Variants in GFRA3 observed in about 807,000 individuals in gnomAD.
GFRA3 encodes the protein GDNF family receptor alpha-3.
In GFRA3, 24 loss-of-function variants were observed where a neutral mutation model predicts 40.0. The observed-to-expected ratio is 0.60, with a 90% CI of 0.43 to 0.84. The LOEUF (loss-of-function observed/expected upper bound fraction) is 0.84. Ranked by LOEUF, GFRA3 falls within the 40% of genes least tolerant of loss-of-function variation. The probability of loss-of-function intolerance (pLI) is 0.00; values close to 1 mark genes in which losing one functional copy is unlikely to be tolerated. For synonymous variants in GFRA3, 203 were observed against 213.5 expected, an observed-to-expected ratio of 0.95 and a Z score of 0.43; for missense variants, 405 against 530.6, an observed-to-expected ratio of 0.76 and a Z score of 2.33.
intron 3 of GFRA3, among the ~76,000 whole-genome samples, chr5:138,258,372 G>A (rs1390425375): frequency 1.3e-5 from 2 of 151,720 alleles, no homozygotes; most frequent in Non-Finnish European, 1.5e-5. Flanking sequence ...AGTAGAAATG[G>A]GGTTTCATCA....
chr5:138,256,552 AAC>A (rs1755632698), intron 4 of GFRA3, among the ~76,000 whole-genome samples: 1 of 128,794 alleles, frequency 7.8e-6, no homozygotes, highest in Non-Finnish European at 1.8e-5. Flanking sequence ...AAAAAAAACA[AAC>A]AAAAAAAAAA....
rs1159912805 is a variant in GFRA3 at position 138,257,707 on chromosome 5, G to A, written c.717C>T (p.Cys239=). 1.2e-6 allele frequency: 2 copies of A among 1,609,714 alleles called. No homozygotes were observed. The highest frequency in any genetic ancestry group is 1.3e-5 in the African/African-American group (1 of 74,768). ...ERRRNTIAPN[C]ALPPVAPNCL... The stretch of plus-strand genomic sequence containing the variant: ...AGTTGGGGGCCACAGGCGGCAGCGC[G>A]CAGTTGGGGGCGATGGTGTTGCGCC... Residue 239 remains cysteine (C), a synonymous_variant, in exon 4 of 8, where the codon TGC becomes TGT. Transcript: ENST00000274721.
At chr5:138,267,109 G>T in intron 1 of GFRA3, 2 of 194,800 alleles carry the variant, frequency 1.0e-5, no homozygotes, top group South Asian at 2.2e-4. Context: ...GGGTACTCCT[G>T]ACGAAGGTGA....
intron 2 of GFRA3, among the ~76,000 whole-genome samples, chr5:138,263,021 G>A (rs1201280690): frequency 2.0e-5 from 3 of 152,142 alleles, no homozygotes; most frequent in African/African-American, 7.2e-5. Flanking sequence ...CTAGAGTGCA[G>A]TGGCGCAATC....
At chr5:138,261,608 C>T (rs1324913694) in intron 2 of GFRA3, among the ~76,000 whole-genome samples, 6 of 148,050 alleles carry the variant, frequency 4.1e-5, no homozygotes, top group Non-Finnish European at 5.9e-5. Flanking sequence ...GCAGGAGAAT[C>T]GCTTGAACCC....
chr5:138,258,789 T>C (rs891955579), intron 3 of GFRA3, among the ~76,000 whole-genome samples: 2 of 152,216 alleles, frequency 1.3e-5, no homozygotes, highest in Non-Finnish European at 2.9e-5. Flanking sequence ...CTTTCATTAA[T>C]TGATTCATGT....
chr5:138,271,238 C>T lies in GFRA3; in HGVS notation c.91+3096G>A, dbSNP rs964812258. On this transcript the variant is annotated intron_variant, in intron 1 of 7. Coordinates refer to ENST00000274721, the MANE Select transcript of GFRA3 (RefSeq NM_001496.4). Reference sequence around the variant, plus strand: ...AACTCCCGACCTCAGGTGATCTGCCCGCCTCGGCCTCAACAAAGTGCTGGG... The same window carrying T: ...AACTCCCGACCTCAGGTGATCTGCCTGCCTCGGCCTCAACAAAGTGCTGGG... Among the ~76,000 whole-genome samples the T allele has an allele frequency of 9.9e-5, 15 of 152,260 alleles. No homozygotes were observed. In the South Asian group the frequency reaches 2.3e-3, roughly 23 times the overall value.
chr5:138,258,633 G>A (rs186193527), intron 3 of GFRA3, among the ~76,000 whole-genome samples: 2 of 152,290 alleles, frequency 1.3e-5, no homozygotes, highest in East Asian at 1.9e-4. Flanking sequence ...TCTGATGGTA[G>A]AAATGATAAC....
chr5:138,266,045 G>A (rs1755778025), intron 1 of GFRA3, among the ~76,000 whole-genome samples: 1 of 152,120 alleles, frequency 6.6e-6, no homozygotes, highest in Non-Finnish European at 1.5e-5. Context: ...ATATCGATAT[G>A]CTACATTTTG....
rs536533397 is a variant in GFRA3 at position 138,269,428 on chromosome 5, C to T, written c.92-4880G>A. ...GCGGGCACCTGTTATCCCAGCTACT[C>T]GAGAGGCTGAGGCTGGAGAATCACT... On this transcript the variant is annotated intron_variant, in intron 1 of 7. Transcript: ENST00000274721. Among the ~76,000 whole-genome samples the T allele has an allele frequency of 7.8e-4, 119 of 151,650 alleles. 1 individual carries two copies. The highest frequency in any genetic ancestry group is 2.7e-3 in the African/African-American group (111 of 41,330).
chr5:138,264,689 G>A (rs1755757041), intron 1 of GFRA3, 141 bp from the exon 2 acceptor site: 2 of 609,552 alleles, frequency 3.3e-6, no homozygotes, highest in Admixed American at 3.0e-5. Context: ...TTAAGAATAA[G>A]TGTGGAGAGA....
chr5:138,264,541 G>C lies in GFRA3; in HGVS notation c.99C>G (p.Pro33=). The change falls in exon 2 of 8, where the codon CCC becomes CCG. Residue 33 remains proline, a synonymous_variant. Transcript: ENST00000274721. ...TCATGAGTCGGCTTTCTGTGGGAAG[G>C]GGGTCTCCTGTAAAGGGAGATACCA... The part of the protein sequence containing the change: ...PSPLPLAAGD[P]LPTESRLMNS... 6.2e-7 allele frequency: 1 copy of C among 1,601,456 alleles called. No individual in the cohort carries two copies. Among genetic ancestry groups the C allele is most frequent in the Non-Finnish European group, 8.5e-7 (1 of 1,172,632 alleles).
chr5:138,259,755 A>AAGCAC, intron 2 of GFRA3, 106 bp from the exon 3 acceptor site: 1 of 748,322 alleles, frequency 1.3e-6, no homozygotes, highest in South Asian at 1.4e-5. Flanking sequence ...AGAAAAGGAA[A>AAGCAC]AGCACAGCCT....
At chr5:138,269,895 C>T (rs1339875184) in intron 1 of GFRA3, among the ~76,000 whole-genome samples, 2 of 150,904 alleles carry the variant, frequency 1.3e-5, no homozygotes, top group African/African-American at 4.9e-5. Flanking sequence ...AGCAGTCCCA[C>T]TACTGAGTGT....
intron 4 of GFRA3, 85 bp downstream of exon 4, chr5:138,257,554 C>T (rs1295303872): frequency 1.6e-6 from 2 of 1,213,986 alleles, no homozygotes; most frequent in African/African-American, 3.1e-5. Flanking sequence ...CTGGGAGGGT[C>T]AGACCCTGCT....
chr5:138,254,187 C>A, intron 4 of GFRA3, 27 bp from the exon 5 acceptor site: 138 of 938,278 alleles, frequency 1.5e-4, no homozygotes, highest in Non-Finnish European at 2.1e-4. Flanking sequence ...TTCTGTCTTT[C>A]TTTTTTTTTT....
At chr5:138,255,289 T>C (rs1288296583) in intron 4 of GFRA3, among the ~76,000 whole-genome samples, 9 of 152,292 alleles carry the variant, frequency 5.9e-5, no homozygotes, top group Middle Eastern at 3.4e-3. Context: ...GACTATAAGA[T>C]AGTTTACAGA....
At chr5:138,266,145 T>C (rs1755779429) in intron 1 of GFRA3, among the ~76,000 whole-genome samples, 1 of 152,226 alleles carries the variant, frequency 6.6e-6, no homozygotes, top group Admixed American at 6.5e-5. Flanking sequence ...CATGTACAAG[T>C]ATTTGTTTGA....
rs1755568104 is a variant in GFRA3 at position 138,252,888 on chromosome 5, T to G, written c.*80A>C. 1.3e-6 allele frequency: 1 copy of G among 779,136 alleles called. No individual in the cohort carries two copies. Among genetic ancestry groups the G allele is most frequent in the African/African-American group, 1.7e-5 (1 of 59,050 alleles). 48.3% of individuals were successfully genotyped at this position (779,136 alleles called of 1,614,324 possible). A position where few individuals can be genotyped will look rare whatever the true frequency, so the allele number is the denominator to read the frequency against. On this transcript the variant is annotated 3_prime_UTR_variant, in exon 8 of 8. Transcript: ENST00000274721. ...TCTGCGCACTGCACCTCCTTCCTGCTGCTGTCCTTTCCTCACCCCTTGTGG... is the reference window on the plus strand; with the variant it reads ...TCTGCGCACTGCACCTCCTTCCTGCGGCTGTCCTTTCCTCACCCCTTGTGG...
Sources: gnomAD v4.1 joint callset for allele counts (sites outside exome capture counted in the v4.1 genomes callset) on GRCh38, gnomAD v4.1.1 for gene constraint, MANE v1.5 for transcripts, NCBI Gene and HGNC (gene_info 2026-07-23, HGNC 2026-07-21) for gene names.